TYW1: variants seen among roughly 807,000 people sequenced by gnomAD.
TYW1 encodes the protein S-adenosyl-L-methionine-dependent tRNA 4-demethylwyosine synthase TYW1.
In TYW1, 46 loss-of-function variants were observed where a neutral mutation model predicts 96.2. That is an observed-to-expected ratio of 0.48 (90% CI 0.38 to 0.61). The LOEUF is 0.61. TYW1 is among the 20% of genes least tolerant of loss of function. The pLI is 0.00. For missense variants in TYW1, 684 were observed against 909.6 expected, an observed-to-expected ratio of 0.75 and a Z score of 3.19; for synonymous variants, 274 against 323.0, an observed-to-expected ratio of 0.85 and a Z score of 1.63.
intron 13 of TYW1, among the ~76,000 whole-genome samples, chr7:67,167,610 T>C (rs890384710): frequency 7.2e-5 from 11 of 152,060 alleles, no homozygotes; most frequent in Admixed American, 1.3e-4. Flanking sequence ...GGATTTTTTT[T>C]CCCACTGCAA....
At chr7:67,185,501 C>T (rs1460765290) in intron 14 of TYW1, among the ~76,000 whole-genome samples, 7 of 152,174 alleles carry the variant, frequency 4.6e-5, no homozygotes, top group African/African-American at 9.6e-5. Context: ...ATTATAGGTA[C>T]GGGCTGAAAG....
chr7:67,117,595 A>G lies in TYW1; in HGVS notation c.1675A>G (p.Ser559Gly). The G allele has an allele frequency of 6.2e-7, 1 of 1,613,168 alleles. No individual in the cohort carries two copies. Among genetic ancestry groups the G allele is most frequent in the South Asian group, 1.1e-5 (1 of 90,706 alleles). Residue 559 changes from serine (S) to glycine (G), a missense_variant, in exon 13 of 16, where the codon AGT becomes GGT. Ser to Gly is a moderately conservative substitution (Grantham distance 56, BLOSUM62 0). Transcript: ENST00000359626. ...GGATTTCTGGCAGAGATTCCTTGAC[A>G]GTTTAAAAGCCTTGGCAGTCAAGGT... ...FKDFWQRFLDSLKALAVKQQR... is the reference protein window; with the variant it reads ...FKDFWQRFLDGLKALAVKQQR...
At chr7:67,208,330 A>G (rs553010294) in intron 15 of TYW1, among the ~76,000 whole-genome samples, 20 of 152,162 alleles carry the variant, frequency 1.3e-4, no homozygotes, top group Non-Finnish European at 2.2e-4. Context: ...AAATAAAATA[A>G]AATAACAAAA....
At chr7:67,149,274 A>T (rs575312933) in intron 13 of TYW1, among the ~76,000 whole-genome samples, 5 of 152,364 alleles carry the variant, frequency 3.3e-5, no homozygotes, top group African/African-American at 1.2e-4. Context: ...GCTCATTCAA[A>T]CTAGAAAGAA....
At chr7:67,194,172 C>CT (rs1228520232) in intron 14 of TYW1, among the ~76,000 whole-genome samples, 1 of 152,068 alleles carries the variant, frequency 6.6e-6, no homozygotes, top group Non-Finnish European at 1.5e-5. Flanking sequence ...GATAACTTAA[C>CT]TTTCTGCAGT....
intron 7 of TYW1, among the ~76,000 whole-genome samples, chr7:67,032,038 A>G (rs1358998165): frequency 1.3e-5 from 2 of 151,902 alleles, no homozygotes; most frequent in East Asian, 1.9e-4. Context: ...TGTAAATGTC[A>G]ATATCATAAA....
intron 13 of TYW1, among the ~76,000 whole-genome samples, chr7:67,165,702 C>G (rs1799299716): frequency 6.6e-6 from 1 of 152,048 alleles, no homozygotes; most frequent in Non-Finnish European, 1.5e-5. Context: ...CCGAGGCAGG[C>G]AGATCGCTTG....
chr7:67,042,395 T>C (rs1429262830), intron 7 of TYW1, among the ~76,000 whole-genome samples: 1 of 152,092 alleles, frequency 6.6e-6, no homozygotes, highest in Non-Finnish European at 1.5e-5. Context: ...TTCTAAGAAC[T>C]AGAGCACTAA....
At position 67,127,687 on chromosome 7, in the gene TYW1, T is replaced by C. The variant is rs76189293; in HGVS notation, c.1698+10069T>C. ...TTTTCTTAGATCTGAGTTTCTGACCTGTATCATTTTCCTTTTCTCTGAAGA... is the reference window on the plus strand; with the variant it reads ...TTTTCTTAGATCTGAGTTTCTGACCCGTATCATTTTCCTTTTCTCTGAAGA... On this transcript the variant is annotated intron_variant, in intron 13 of 15. Coordinates refer to ENST00000359626, the MANE Select transcript of TYW1 (RefSeq NM_018264.4). 3.9e-4 allele frequency among the ~76,000 whole-genome samples: 60 copies of C among 152,338 alleles called. No homozygotes were observed. In the East Asian group the frequency reaches 7.7e-3, roughly 20 times the overall value.
intron 10 of TYW1, among the ~76,000 whole-genome samples, chr7:67,080,940 GTTTTTTTTTTTT>G (rs71049495): frequency 1.1e-4 from 4 of 37,250 alleles, no homozygotes; most frequent in South Asian, 1.2e-3. Flanking sequence ...CTTTCTTACT[GTTTTTTTTTTTT>G]TTTTTTTTTT....
rs915800977 is a variant in TYW1 at position 67,015,062 on chromosome 7, C to T, written c.570+501C>T. Among the ~76,000 whole-genome samples the T allele has an allele frequency of 1.8e-4, 27 of 150,650 alleles. 1 individual carries two copies. Among genetic ancestry groups the T allele is most frequent in the Non-Finnish European group, 2.4e-4 (16 of 67,788 alleles). ...CTAATCCCCAGCTGGAGTGCAGTGG[C>T]GGGATCTCAGCTGACTGCAACCTCC... is the stretch of plus-strand genomic sequence containing the variant. On this transcript the variant is annotated intron_variant, in intron 5 of 15. Transcript: ENST00000359626.
In TYW1 at chr7:67,158,334, G is replaced by A. The variant is rs150875757; in HGVS notation, c.1699-24792G>A. ...AAACTCCTGACCTTGTGATCTGCCC[G>A]CCTTCGGCCTCCCAAAGTGCTGGGA... On this transcript the variant is annotated intron_variant, in intron 13 of 15. Coordinates refer to ENST00000359626, the MANE Select transcript of TYW1 (RefSeq NM_018264.4). Among the ~76,000 whole-genome samples, 877 of 152,112 alleles carry A rather than the reference G, an allele frequency of 5.8e-3. 7 individuals carry two copies. Among genetic ancestry groups the A allele is most frequent in the Middle Eastern group, 0.017 (5 of 294 alleles).
In TYW1 at chr7:67,108,288, A is replaced by G. The variant is rs556215846; in HGVS notation, c.1563-9195A>G. Among the ~76,000 whole-genome samples the G allele has an allele frequency of 7.2e-5, 11 of 152,308 alleles. No homozygotes were observed. In the South Asian group the frequency reaches 2.3e-3, roughly 32 times the overall value. On this transcript the variant is annotated intron_variant, in intron 12 of 15. Transcript: ENST00000359626. ...TATAGTCTCAAGATTGACAGACTAC[A>G]AAGGGCGAGGAACAGTAGTAGATTT...
intron 1 of TYW1, among the ~76,000 whole-genome samples, chr7:66,997,283 G>C (rs117928672): frequency 6.6e-6 from 1 of 151,574 alleles, no homozygotes; most frequent in Non-Finnish European, 1.5e-5. Flanking sequence ...TTGCTCCCAG[G>C]TTGAACGTTT....
At chr7:67,207,820 A>G (rs1361151609) in intron 15 of TYW1, among the ~76,000 whole-genome samples, 1 of 149,044 alleles carries the variant, frequency 6.7e-6, no homozygotes, top group Non-Finnish European at 1.5e-5. Context: ...TCCCAGGTTC[A>G]AGTGATTCTC....
chr7:67,125,359 T>C (rs1348979380), intron 13 of TYW1, among the ~76,000 whole-genome samples: 1 of 151,668 alleles, frequency 6.6e-6, no homozygotes, highest in African/African-American at 2.4e-5. Context: ...CTGAGATTAA[T>C]TTGGGGGTAT....
chr7:67,063,927 A>G (rs1338154057), intron 9 of TYW1, among the ~76,000 whole-genome samples: 2 of 152,328 alleles, frequency 1.3e-5, no homozygotes, highest in African/African-American at 4.8e-5. Context: ...CAATGAACAT[A>G]TGAAAACCAA....
At chr7:67,191,998 C>T (rs1427473159) in intron 14 of TYW1, among the ~76,000 whole-genome samples, 2 of 151,554 alleles carry the variant, frequency 1.3e-5, no homozygotes, top group Non-Finnish European at 2.9e-5. Flanking sequence ...CGGGTTCGAG[C>T]TATTCTCCTG....
chr7:67,068,948 T>C (rs1241337571), intron 10 of TYW1, among the ~76,000 whole-genome samples: 1 of 152,246 alleles, frequency 6.6e-6, no homozygotes, highest in Admixed American at 6.5e-5. Context: ...CATTTGCTTA[T>C]CTAATTCTAT....
Sources: gnomAD v4.1 joint callset for allele counts (sites outside exome capture counted in the v4.1 genomes callset) on GRCh38, gnomAD v4.1.1 for gene constraint, MANE v1.5 for transcripts, NCBI Gene and HGNC (gene_info 2026-07-23, HGNC 2026-07-21) for gene names.